HK2: variants seen among roughly 807,000 people sequenced by gnomAD.
The protein encoded by HK2 is hexokinase-2.
In HK2, 42 loss-of-function variants were observed where a neutral mutation model predicts 92.9. The ratio of observed to expected loss-of-function variants is 0.45; its 90% CI spans 0.35 to 0.58. The LOEUF (loss-of-function observed/expected upper bound fraction) is 0.58, where lower values mean the gene tolerates loss of function less well. Among genes scored for constraint, HK2 ranks in the 20% least tolerant of loss-of-function variants. The pLI, the probability that HK2 is intolerant of heterozygous loss-of-function variation, is 0.00. For missense variants in HK2, 978 were observed against 1,245.1 expected, an observed-to-expected ratio of 0.79 and a Z score of 3.23; for synonymous variants, 422 against 468.0, an observed-to-expected ratio of 0.90 and a Z score of 1.27.
chr2:74,887,446 C>G (rs941673807), intron 15 of HK2, among the ~76,000 whole-genome samples: 1 of 151,834 alleles, frequency 6.6e-6, no homozygotes, highest in Admixed American at 6.6e-5. Flanking sequence ...GGGGGCCCTA[C>G]AGCTGGCAGT....
At chr2:74,855,457 A>G (rs1052090042) in intron 2 of HK2, among the ~76,000 whole-genome samples, 8 of 152,146 alleles carry the variant, frequency 5.3e-5, no homozygotes, top group Non-Finnish European at 7.3e-5. Flanking sequence ...AGAATGGTCT[A>G]TATCTTTTGA....
At chr2:74,890,543 A>G (rs1689651283) in intron 17 of HK2, among the ~76,000 whole-genome samples, 1 of 152,220 alleles carries the variant, frequency 6.6e-6, no homozygotes, top group African/African-American at 2.4e-5. Flanking sequence ...CGTTTGTCCC[A>G]GAATTGAATC....
chr2:74,859,634 CA>C (rs1192137666), intron 2 of HK2, among the ~76,000 whole-genome samples: 13 of 150,000 alleles, frequency 8.7e-5, no homozygotes, highest in South Asian at 2.1e-4. Context: ...GACTCCATCT[CA>C]AAAAAAAAGA....
intron 7 of HK2, 34 bp downstream of exon 7, chr2:74,874,483 C>A: frequency 6.4e-7 from 1 of 1,559,268 alleles, no homozygotes; most frequent in Non-Finnish European, 8.7e-7. Context: ...GTGGGCTTGG[C>A]GGGGGCCTGG....
chr2:74,872,202 ACACATT>A, intron 3 of HK2, 92 bp from the exon 4 acceptor site: 1 of 1,262,298 alleles, frequency 7.9e-7, no homozygotes, highest in Non-Finnish European at 1.2e-6. Context: ...TGGGTTTTGC[ACACATT>A]CAGCTAGTTA....
rs2104024502 is a variant in HK2 at position 74,889,403 on chromosome 2, T to C, written c.2534T>C (p.Ile845Thr). Residue 845 changes from isoleucine to threonine, a missense_variant, in exon 17 of 18, where the codon ATA becomes ACA. By Grantham distance (89) the Ile-to-Thr change is moderately conservative. This residue lies in a region of HK2 where 742 missense variants were observed against 922.5 expected (regional missense o/e 0.80). Coordinates refer to ENST00000290573, the MANE Select transcript of HK2 (RefSeq NM_000189.5). ...GAGMAAVVDRIRENRGLDALK... is the reference protein window; with the variant it reads ...GAGMAAVVDRTRENRGLDALK... Reference sequence around the variant, plus strand: ...GGCATGGCCGCTGTGGTGGACAGGATACGAGAAAACCGTGGGCTGGACGCT... The same window carrying C: ...GGCATGGCCGCTGTGGTGGACAGGACACGAGAAAACCGTGGGCTGGACGCT... 1 of 1,614,182 alleles carries C rather than the reference T, an allele frequency of 6.2e-7. No individual in the cohort carries two copies. The highest frequency in any genetic ancestry group is 2.2e-5 in the East Asian group (1 of 44,888).
At chr2:74,888,985 T>G (rs1403671916) in intron 16 of HK2, among the ~76,000 whole-genome samples, 1 of 152,206 alleles carries the variant, frequency 6.6e-6, no homozygotes, top group Non-Finnish European at 1.5e-5. Context: ...GTATCTACTT[T>G]GTAGTAGTAA....
intron 2 of HK2, among the ~76,000 whole-genome samples, chr2:74,862,304 A>G (rs1688849092): frequency 1.3e-5 from 2 of 152,248 alleles, no homozygotes; most frequent in African/African-American, 4.8e-5. Context: ...CCAGTGGCAC[A>G]TTGGTGCTGT....
intron 1 of HK2, among the ~76,000 whole-genome samples, chr2:74,852,073 G>T (rs1013952209): frequency 1.3e-5 from 2 of 152,200 alleles, no homozygotes; most frequent in African/African-American, 2.4e-5. Flanking sequence ...AGAGATGCTG[G>T]CACTTCCTAC....
chr2:74,854,145 A>G, intron 1 of HK2, 148 bp from the exon 2 acceptor site: 3 of 797,302 alleles, frequency 3.8e-6, no homozygotes, highest in Non-Finnish European at 6.4e-6. Flanking sequence ...GTCCTGTCAA[A>G]TCGGTTCCTA....
Position 74,874,452 on chromosome 2 carries a change from G to GAGT in HK2, c.875+6_875+8dup. 1.3e-6 allele frequency: 2 copies of GAGT among 1,598,684 alleles called. No individual in the cohort carries two copies. The highest frequency in any genetic ancestry group is 4.5e-5 in the East Asian group (2 of 44,162). On this transcript the variant is annotated splice_donor_region_variant and intron_variant, in intron 7 of 17. Coordinates refer to ENST00000290573, the MANE Select transcript of HK2 (RefSeq NM_000189.5). ...TCACTGAACCCGGGAAAGCAACTGT[G>GAGT]AGTAGGCCCTTCCTGTGCGAGTGGG...
intron 2 of HK2, among the ~76,000 whole-genome samples, chr2:74,856,712 T>C (rs1000366219): frequency 1.3e-5 from 2 of 152,228 alleles, no homozygotes; most frequent in Non-Finnish European, 2.9e-5. Context: ...AGATGAGGAA[T>C]TTGAGGTTCA....
At chr2:74,890,653 A>G in intron 17 of HK2, 144 bp from the exon 18 acceptor site, 1 of 975,822 alleles carries the variant, frequency 1.0e-6, no homozygotes, top group Non-Finnish European at 1.6e-6. Context: ...GTAAATGTTT[A>G]ATACATTATA....
intron 1 of HK2, among the ~76,000 whole-genome samples, chr2:74,844,393 A>G (rs1011625286): frequency 6.6e-6 from 1 of 152,222 alleles, no homozygotes; most frequent in African/African-American, 2.4e-5. Flanking sequence ...ACTTAGCTGT[A>G]TCTAGGGGGA....
At chr2:74,842,035 C>T (rs545366883) in intron 1 of HK2, among the ~76,000 whole-genome samples, 1 of 152,228 alleles carries the variant, frequency 6.6e-6, no homozygotes, top group African/African-American at 2.4e-5. Context: ...GCAGTGTGAG[C>T]TTGGGTCAGT....
intron 1 of HK2, 81 bp from the exon 2 acceptor site, chr2:74,854,212 C>T (rs190959382): frequency 6.8e-6 from 9 of 1,315,486 alleles, no homozygotes; most frequent in African/African-American, 4.3e-5. Flanking sequence ...TTTTGAAGAG[C>T]TGAGTGGTGT....
chr2:74,846,750 C>T (rs896467349), intron 1 of HK2, among the ~76,000 whole-genome samples: 5 of 152,166 alleles, frequency 3.3e-5, no homozygotes, highest in Non-Finnish European at 5.9e-5. Flanking sequence ...GACCTCCTGG[C>T]TTCAAATGAT....
Position 74,880,275 on chromosome 2 carries a change from C to T in HK2, c.1276C>T (p.Arg426Cys), listed in dbSNP as rs376768203. The change falls in exon 10 of 18, where the codon CGT becomes TGT. Residue 426 changes from arginine (R) to cysteine (C), a missense_variant. Arg to Cys is a radical substitution (Grantham distance 180, BLOSUM62 -3). This residue lies in a region of HK2 where 742 missense variants were observed against 922.5 expected (regional missense o/e 0.80). Coordinates refer to ENST00000290573, the MANE Select transcript of HK2 (RefSeq NM_000189.5). ...VYKKHPHFAKRLHKTVRRLVP... is the reference protein window; with the variant it reads ...VYKKHPHFAKCLHKTVRRLVP... ...CCTGGGGAACTGCAGTTTTGCCAAG[C>T]GTCTACATAAGACCGTGCGGCGGCT... is the stretch of plus-strand genomic sequence containing the variant. 2.8e-5 allele frequency: 45 copies of T among 1,614,002 alleles called. No homozygotes were observed. The highest frequency in any genetic ancestry group is 2.5e-4 in the Admixed American group (15 of 60,004).
rs755859129 is a variant in HK2 at position 74,882,188 on chromosome 2, G to T, written c.1788G>T (p.Leu596=). 5.6e-6 allele frequency: 9 copies of T among 1,614,144 alleles called. No homozygotes were observed. The Admixed American group carries it at 1.5e-4, about 27-fold the overall frequency. Residue 596 remains leucine, a synonymous_variant, in exon 12 of 18, where the codon CTG becomes CTT. Coordinates refer to ENST00000290573, the MANE Select transcript of HK2 (RefSeq NM_000189.5). ...LEYMGMKGVS[L]PLGFTFSFPC... is the part of the protein sequence containing the mutation. ...ACATGGGCATGAAGGGCGTGTCCCTGCCTCTGGGTTTTACCTTCTCCTTCC... is the reference window on the plus strand; with the variant it reads ...ACATGGGCATGAAGGGCGTGTCCCTTCCTCTGGGTTTTACCTTCTCCTTCC...
Sources: allele counts gnomAD v4.1 joint callset (sites outside exome capture counted in the v4.1 genomes callset), GRCh38; gene constraint gnomAD v4.1.1; regional missense constraint gnomAD v4.1.1; transcripts MANE v1.5; gene names NCBI Gene and HGNC (gene_info 2026-07-23, HGNC 2026-07-21).